Variants in PRR16 observed in about 807,000 individuals in gnomAD.
The protein encoded by PRR16 is protein Largen.
A neutral mutation model predicts 18.2 loss-of-function variants in PRR16; 6 were observed. The observed-to-expected ratio is 0.33, with a 90% CI of 0.18 to 0.65. The LOEUF (loss-of-function observed/expected upper bound fraction) is 0.65. Among genes scored for constraint, PRR16 ranks in the 30% least tolerant of loss-of-function variants. The probability of loss-of-function intolerance (pLI) is 0.74; values close to 1 mark genes in which losing one functional copy is unlikely to be tolerated. For synonymous variants in PRR16, 151 were observed against 147.8 expected, an observed-to-expected ratio of 1.02 and a Z score of -0.16; for missense variants, 412 against 376.6, an observed-to-expected ratio of 1.09 and a Z score of -0.78.
chr5:120,526,193 C>G (rs928461143), intron 1 of PRR16, among the ~76,000 whole-genome samples: 3 of 152,036 alleles, frequency 2.0e-5, no homozygotes, highest in African/African-American at 7.2e-5. Flanking sequence ...AAGATCTCAT[C>G]CTGTGGTCAG....
In PRR16 at chr5:120,488,848, G is replaced by A. The variant is rs150396180; in HGVS notation, c.159+24203G>A. The stretch of plus-strand genomic sequence containing the variant: ...TGTCTCCCAGAGATTCTGGTGTGTT[G>A]TGTCTTTGTTCTCGTTGGTTTCAAA... On this transcript the variant is annotated intron_variant, in intron 1 of 1. Coordinates refer to ENST00000407149, the MANE Select transcript of PRR16 (RefSeq NM_001300783.2). Among the ~76,000 whole-genome samples the A allele has an allele frequency of 4.4e-3, 665 of 152,136 alleles. 8 individuals are homozygous for A. Among genetic ancestry groups the A allele is most frequent in the African/African-American group, 0.016 (645 of 41,504 alleles).
At chr5:120,690,997 A>G (rs1757202628), downstream of PRR16, among the ~76,000 whole-genome samples, 1 of 152,196 alleles carries the variant, frequency 6.6e-6, no homozygotes. Context: ...TATTGCTTAT[A>G]ATTTATAACT....
chr5:120,490,920 C>G (rs983083642), intron 1 of PRR16, among the ~76,000 whole-genome samples: 1 of 152,166 alleles, frequency 6.6e-6, no homozygotes, highest in Non-Finnish European at 1.5e-5. Flanking sequence ...GAGGTCCACT[C>G]CAGACCCTGT....
At chr5:120,629,666 C>A (rs1350715514) in intron 1 of PRR16, among the ~76,000 whole-genome samples, 6 of 152,060 alleles carry the variant, frequency 3.9e-5, no homozygotes, top group Non-Finnish European at 8.8e-5. Flanking sequence ...CTTCACACAC[C>A]TTTCTGTCTC....
chr5:120,742,280 GTT>G, the PRR16 span, among the ~76,000 whole-genome samples: 106 of 140,516 alleles, frequency 7.5e-4, no homozygotes, highest in Non-Finnish European at 1.2e-3. Context: ...TTACTTGTGG[GTT>G]TTTTTTTTTT....
At chr5:120,498,750 C>T (rs1317985889) in intron 1 of PRR16, among the ~76,000 whole-genome samples, 1 of 151,774 alleles carries the variant, frequency 6.6e-6, no homozygotes. Context: ...AATCCAAGAA[C>T]ATCTTGATTA....
At chr5:120,725,306 T>G in the PRR16 span, among the ~76,000 whole-genome samples, 5 of 151,246 alleles carry the variant, frequency 3.3e-5, 1 homozygote, top group Admixed American at 2.6e-4. Flanking sequence ...GATGTTGTTT[T>G]TTTTTTTTTT....
chr5:120,492,950 C>T (rs1750114697), intron 1 of PRR16, among the ~76,000 whole-genome samples: 1 of 152,066 alleles, frequency 6.6e-6, no homozygotes, highest in Admixed American at 6.6e-5. Context: ...TTTCTTAATC[C>T]ACTTGTTGGC....
At chr5:120,663,062 C>A (rs1317384519) in intron 1 of PRR16, among the ~76,000 whole-genome samples, 2 of 152,148 alleles carry the variant, frequency 1.3e-5, no homozygotes, top group Non-Finnish European at 2.9e-5. Context: ...CTTCTTTCAC[C>A]ATTGTCAACC....
At chr5:120,605,195 G>C (rs1381263762) in intron 1 of PRR16, among the ~76,000 whole-genome samples, 5 of 152,058 alleles carry the variant, frequency 3.3e-5, no homozygotes, top group Non-Finnish European at 7.4e-5. Context: ...ATGAGTTATA[G>C]GTGTGGTCTC....
intron 1 of PRR16, among the ~76,000 whole-genome samples, chr5:120,637,549 G>A (rs1755278472): frequency 6.6e-6 from 1 of 152,016 alleles, no homozygotes; most frequent in Non-Finnish European, 1.5e-5. Flanking sequence ...AAGTAACTCA[G>A]GAATGGAAAA....
At chr5:120,516,483 G>GAACACA (rs1561526504) in intron 1 of PRR16, among the ~76,000 whole-genome samples, 10 of 104,562 alleles carry the variant, frequency 9.6e-5, no homozygotes, top group African/African-American at 3.8e-4. Flanking sequence ...CAGGAGGGAA[G>GAACACA]GACACACACA....
chr5:120,740,426 T>C, the PRR16 span, among the ~76,000 whole-genome samples: 19 of 152,330 alleles, frequency 1.2e-4, no homozygotes, highest in East Asian at 3.3e-3. Context: ...ACACAGACTT[T>C]CTATTGGAAA....
In PRR16 at chr5:120,478,624, C is replaced by T. The variant is rs142148206; in HGVS notation, c.159+13979C>T. Among the ~76,000 whole-genome samples, 759 of 152,196 alleles carry T rather than the reference C, an allele frequency of 5.0e-3. 11 individuals are homozygous for T. The highest frequency in any genetic ancestry group is 0.017 in the African/African-American group (719 of 41,528). ...ACATTTTGTCTATGTAAACCCTAAA[C>T]GTGGCCTGTAATCTCAGGATTTCAT... On this transcript the variant is annotated intron_variant, in intron 1 of 1. Transcript: ENST00000407149.
chr5:120,721,364 T>C, the PRR16 span, among the ~76,000 whole-genome samples: 1 of 151,894 alleles, frequency 6.6e-6, no homozygotes, highest in Non-Finnish European at 1.5e-5. Context: ...TAGATCAAGG[T>C]GAGATGATCT....
intron 1 of PRR16, among the ~76,000 whole-genome samples, chr5:120,628,112 G>A (rs1467905685): frequency 6.6e-6 from 1 of 151,962 alleles, no homozygotes; most frequent in Non-Finnish European, 1.5e-5. Flanking sequence ...TGTGAAGATG[G>A]ATTGTTCCCT....
chr5:120,638,746 C>G (rs1414858822), intron 1 of PRR16, among the ~76,000 whole-genome samples: 7 of 152,008 alleles, frequency 4.6e-5, no homozygotes, highest in Admixed American at 3.9e-4. Flanking sequence ...CTAACACACT[C>G]ACACACAGCC....
chr5:120,753,695 C>T, the PRR16 span, among the ~76,000 whole-genome samples: 1 of 150,160 alleles, frequency 6.7e-6, no homozygotes, highest in Non-Finnish European at 1.5e-5. Flanking sequence ...CTTTCACATA[C>T]ATTGCCTTGT....
the PRR16 span, among the ~76,000 whole-genome samples, chr5:120,761,711 G>T: frequency 6.6e-6 from 1 of 151,922 alleles, no homozygotes; most frequent in African/African-American, 2.4e-5. Context: ...ATTTCTATGT[G>T]TTGGGAACAT....
Sources: gnomAD v4.1 joint callset for allele counts (sites outside exome capture counted in the v4.1 genomes callset) on GRCh38, gnomAD v4.1.1 for gene constraint, MANE v1.5 for transcripts, NCBI Gene and HGNC (gene_info 2026-07-23, HGNC 2026-07-21) for gene names.